Variants in CSMD3 observed in about 807,000 individuals in gnomAD.
CSMD3 encodes CUB and Sushi multiple domains 3.
Under a neutral mutation model 435.2 loss-of-function variants are expected in CSMD3, and 177 were observed. The observed-to-expected ratio is 0.41, with a 90% confidence interval of 0.36 to 0.46. The LOEUF is 0.46. CSMD3 is among the 20% of genes least tolerant of loss of function. The probability of loss-of-function intolerance (pLI) is 0.34; values close to 1 mark genes in which losing one functional copy is unlikely to be tolerated. For missense variants in CSMD3, 4,265 were observed against 4,504.6 expected (o/e 0.95, Z 1.52); for synonymous variants, 1,656 against 1,520.5 (o/e 1.09, Z -2.07).
chr8:113,140,552 T>G (rs1025064519), intron 4 of CSMD3, among the ~76,000 whole-genome samples: 32 of 151,228 alleles, frequency 2.1e-4, no homozygotes, highest in African/African-American at 7.7e-4. Flanking sequence ...TAACATTATA[T>G]AGAATTTATC....
rs1563628958 is a variant in CSMD3, at chr8:112,503,977, A to G, written c.4896T>C (p.Ser1632=). 1 of 1,573,478 alleles carries G rather than the reference A, an allele frequency of 6.4e-7. No homozygotes were observed. ...ADYVISLAFI[S]FSIEPNYDFL... is the part of the protein sequence containing the mutation. ...AGTCATAGTTTGGTTCTATGCTAAAACTGAAAAAAAAAAGGAAAGAACAAA... is the reference window on the plus strand; with the variant it reads ...AGTCATAGTTTGGTTCTATGCTAAAGCTGAAAAAAAAAAGGAAAGAACAAA... Residue 1632 remains serine, a splice_region_variant and synonymous_variant, in exon 30 of 71, where the codon AGT becomes AGC. Coordinates refer to ENST00000297405, the MANE Select transcript of CSMD3 (RefSeq NM_198123.2).
In CSMD3 at chr8:112,732,699, C is replaced by CAAA. The variant is rs34891739; in HGVS notation, c.1973-42652_1973-42650dup. Among the ~76,000 whole-genome samples, 16 of 97,182 alleles carry CAAA rather than the reference C, an allele frequency of 1.6e-4. 2 individuals are homozygous for CAAA. The highest frequency in any genetic ancestry group is 4.4e-4 in the African/African-American group (13 of 29,748). 63.8% of individuals were successfully genotyped at this position (97,182 alleles called of 152,430 possible). A position where few individuals can be genotyped will look rare whatever the true frequency, so the allele number is the denominator to read the frequency against. ...TGGGTGACAGAGCAAGACTCCATCTCAAAAAAAAAAAAAAAAAGAAAAAAG... is the reference window on the plus strand; with the variant it reads ...TGGGTGACAGAGCAAGACTCCATCTCAAAAAAAAAAAAAAAAAAAAGAAAAAAG... On this transcript the variant is annotated intron_variant, in intron 13 of 70. Transcript: ENST00000297405.
At position 113,375,536 on chromosome 8, in the gene CSMD3, C is replaced by CACACACACACACAT. The variant is rs1554623679; in HGVS notation, c.179-60744_179-60743insATGTGTGTGTGTGT. Among the ~76,000 whole-genome samples, 1,557 of 150,528 alleles carry CACACACACACACAT rather than the reference C, an allele frequency of 0.01. 25 individuals carry two copies. The Middle Eastern group carries it at 0.11, about 10-fold the overall frequency. On this transcript the variant is annotated intron_variant, in intron 1 of 70. Transcript: ENST00000297405. ...TAATACACACACACACACACACACA[C>CACACACACACACAT]ACACACACACGTGTCATGCCGAGGA... is the stretch of plus-strand genomic sequence containing the variant.
intron 13 of CSMD3, among the ~76,000 whole-genome samples, chr8:112,726,941 G>A (rs550480856): frequency 2.0e-5 from 3 of 151,706 alleles, no homozygotes; most frequent in African/African-American, 7.2e-5. Flanking sequence ...ACTGATTAAA[G>A]CTCATTTTAT....
Position 112,341,593 on chromosome 8 carries a change from C to G in CSMD3, c.6536G>C (p.Gly2179Ala), listed in dbSNP as rs768342442. ...SGSSETSTVI[G>A]RLSGPQIPSS... ...TGGTATTTGAGGACCACTAAGCCGG[C>G]CAATAACAGTACTAGTTTCTGAGGA... Residue 2179 changes from glycine (G) to alanine (A), a missense_variant, in exon 42 of 71, where the codon GGC becomes GCC. By Grantham distance (60) the Gly-to-Ala change is moderately conservative. Transcript: ENST00000297405. 13 of 1,612,536 alleles carry G rather than the reference C, an allele frequency of 8.1e-6. No homozygotes were observed. In the South Asian group the frequency reaches 1.4e-4, roughly 18 times the overall value.
chr8:112,460,355 TAAGGAGAAGCAAAGGGGTTAAGTA>T (rs1362110279), intron 32 of CSMD3, among the ~76,000 whole-genome samples: 8 of 151,916 alleles, frequency 5.3e-5, no homozygotes, highest in Admixed American at 3.9e-4. Context: ...TTAGAGATAG[TAAGGAGAAGCAAAGGGGTTAAGTA>T]AAAGAGAAAG....
intron 4 of CSMD3, among the ~76,000 whole-genome samples, chr8:113,134,491 G>A (rs2091364192): frequency 6.6e-6 from 1 of 151,928 alleles, no homozygotes. Flanking sequence ...CGAAGGATTT[G>A]GTTTAGAAAA....
At chr8:113,394,170 A>ACACC (rs1024394817) in intron 1 of CSMD3, among the ~76,000 whole-genome samples, 26 of 139,864 alleles carry the variant, frequency 1.9e-4, no homozygotes, top group South Asian at 7.5e-4. Flanking sequence ...ACACACACAC[A>ACACC]CACACACACA....
chr8:113,322,642 T>A (rs56340334), intron 1 of CSMD3, among the ~76,000 whole-genome samples: 15,748 of 152,272 alleles, frequency 0.1, 955 homozygotes, highest in Middle Eastern at 0.17. Context: ...AAAATTTTGA[T>A]TGGGATTATT....
intron 59 of CSMD3, among the ~76,000 whole-genome samples, chr8:112,275,310 G>T (rs1817936533): frequency 6.6e-6 from 1 of 152,142 alleles, no homozygotes; most frequent in African/African-American, 2.4e-5. Flanking sequence ...CACTTTGGGA[G>T]GCCGAGGCAG....
At chr8:113,104,204 T>C (rs1298022086) in intron 4 of CSMD3, among the ~76,000 whole-genome samples, 1 of 152,032 alleles carries the variant, frequency 6.6e-6, no homozygotes, top group Non-Finnish European at 1.5e-5. Flanking sequence ...GAACTGTAAA[T>C]TGTAGGAGAG....
At chr8:112,808,935 A>G (rs1317107084) in intron 12 of CSMD3, among the ~76,000 whole-genome samples, 1 of 152,054 alleles carries the variant, frequency 6.6e-6, no homozygotes, top group Admixed American at 6.6e-5. Context: ...TAATTATGCA[A>G]TTATTTATAG....
intron 5 of CSMD3, among the ~76,000 whole-genome samples, chr8:113,080,493 TTATC>T (rs1293856369): frequency 7.2e-5 from 11 of 152,060 alleles, no homozygotes; most frequent in South Asian, 2.1e-4. Flanking sequence ...CTTTGAGGAG[TTATC>T]TATCTAACAG....
chr8:113,425,908 C>T (rs754587330), intron 1 of CSMD3, among the ~76,000 whole-genome samples: 75 of 151,624 alleles, frequency 4.9e-4, no homozygotes, highest in South Asian at 2.1e-3. Context: ...TTTATTTACA[C>T]AAAACATTTG....
chr8:113,016,033 T>C lies in CSMD3; in HGVS notation c.1030+3034A>G, dbSNP rs1230616036. ...AACAAAGACAAATATAATGACATAATATTGAAGTGAATTTGTGGGGGCAGA... is the reference window on the plus strand; with the variant it reads ...AACAAAGACAAATATAATGACATAACATTGAAGTGAATTTGTGGGGGCAGA... On this transcript the variant is annotated intron_variant, in intron 6 of 70. Coordinates refer to ENST00000297405, the MANE Select transcript of CSMD3 (RefSeq NM_198123.2). 2.6e-5 allele frequency among the ~76,000 whole-genome samples: 4 copies of C among 151,786 alleles called. No individual in the cohort carries two copies. The East Asian group carries it at 7.7e-4, about 29-fold the overall frequency.
chr8:112,366,317 C>A (rs1044052104), intron 38 of CSMD3, among the ~76,000 whole-genome samples: 1 of 152,178 alleles, frequency 6.6e-6, no homozygotes, highest in Non-Finnish European at 1.5e-5. Context: ...TCTACTGCAA[C>A]AATGCTCCTG....
chr8:112,527,713 AT>A (rs1414651669), intron 27 of CSMD3, among the ~76,000 whole-genome samples: 1 of 151,922 alleles, frequency 6.6e-6, no homozygotes, highest in Non-Finnish European at 1.5e-5. Context: ...TAAAATATTA[AT>A]TTTTAACTGA....
intron 32 of CSMD3, among the ~76,000 whole-genome samples, chr8:112,469,102 T>C (rs572359029): frequency 6.6e-6 from 1 of 150,400 alleles, no homozygotes; most frequent in Admixed American, 6.7e-5. Context: ...GTAATTGTGG[T>C]TTTTGCCATT....
intron 38 of CSMD3, among the ~76,000 whole-genome samples, chr8:112,360,314 C>T (rs1263692382): frequency 6.6e-6 from 1 of 151,912 alleles, no homozygotes; most frequent in Non-Finnish European, 1.5e-5. Context: ...GCGACAGTTT[C>T]CTTCTCCAAG....
Sources: gnomAD v4.1 joint callset for allele counts (sites outside exome capture counted in the v4.1 genomes callset) on GRCh38, gnomAD v4.1.1 for gene constraint, MANE v1.5 for transcripts, NCBI Gene and HGNC (gene_info 2026-07-23, HGNC 2026-07-21) for gene names.